MYO3A: variants seen among roughly 807,000 people sequenced by gnomAD.
The protein encoded by MYO3A is myosin IIIA, also known as myosin-IIIa.
MYO3A carries 180 observed loss-of-function variants against 192.7 expected under a neutral mutation model. That is an observed-to-expected ratio of 0.93 (90% CI 0.83 to 1.06). The LOEUF (loss-of-function observed/expected upper bound fraction) is 1.06, where lower values mean the gene tolerates loss of function less well. MYO3A is among the 50% of genes least tolerant of loss of function. MYO3A has a pLI of 0.00. For missense variants in MYO3A, 1,896 were observed against 1,905.0 expected, an observed-to-expected ratio of 1.00 and a Z score of 0.09; for synonymous variants, 628 against 645.3, an observed-to-expected ratio of 0.97 and a Z score of 0.41.
intron 6 of MYO3A, among the ~76,000 whole-genome samples, chr10:26,002,312 A>C (rs1840878950): frequency 6.6e-6 from 1 of 152,192 alleles, no homozygotes; most frequent in Admixed American, 6.5e-5. Flanking sequence ...ATTCAAATAT[A>C]AAATTTTCTT....
At chr10:26,138,083 T>C (rs1839953726) in intron 20 of MYO3A, among the ~76,000 whole-genome samples, 1 of 152,200 alleles carries the variant, frequency 6.6e-6, no homozygotes. Context: ...CATTCTCCTT[T>C]TTGCGCTTTG....
intron 2 of MYO3A, among the ~76,000 whole-genome samples, chr10:25,942,758 C>A (rs1204805074): frequency 1.3e-5 from 2 of 148,838 alleles, no homozygotes; most frequent in African/African-American, 4.9e-5. Flanking sequence ...GGAGAAACTT[C>A]TAGTCAAATC....
At chr10:25,991,050 A>G (rs1839995939) in intron 4 of MYO3A, among the ~76,000 whole-genome samples, 1 of 152,194 alleles carries the variant, frequency 6.6e-6, no homozygotes, top group East Asian at 1.9e-4. Flanking sequence ...GCTGGGTCAA[A>G]TGGTATTTCT....
intron 26 of MYO3A, among the ~76,000 whole-genome samples, chr10:26,160,529 T>G (rs1036486698): frequency 6.6e-6 from 1 of 151,978 alleles, no homozygotes; most frequent in African/African-American, 2.4e-5. Flanking sequence ...CCTGTAGTCT[T>G]AGCTACTCAG....
intron 4 of MYO3A, among the ~76,000 whole-genome samples, chr10:25,976,021 GAAATTT>G (rs1402225094): frequency 3.3e-5 from 5 of 152,178 alleles, no homozygotes; most frequent in Non-Finnish European, 7.4e-5. Flanking sequence ...AGTCTTTGGG[GAAATTT>G]AAATTAAAAC....
intron 6 of MYO3A, among the ~76,000 whole-genome samples, chr10:26,008,037 A>G (rs1841355050): frequency 6.7e-6 from 1 of 150,144 alleles, no homozygotes; most frequent in East Asian, 1.9e-4. Flanking sequence ...AAACACAGAT[A>G]TAGATCAATG....
At chr10:26,021,674 T>C (rs1384971248) in intron 8 of MYO3A, 26 bp downstream of exon 8, 1 of 1,613,632 alleles carries the variant, frequency 6.2e-7, no homozygotes. Context: ...TTGGGTCCAG[T>C]ATCTGCAGCC....
intron 17 of MYO3A, among the ~76,000 whole-genome samples, chr10:26,103,842 C>T (rs777797623): frequency 6.6e-6 from 1 of 152,166 alleles, no homozygotes; most frequent in Non-Finnish European, 1.5e-5. Context: ...TGCATGTCTT[C>T]GTCAACACTT....
At chr10:26,098,719 T>C (rs1321728725) in intron 17 of MYO3A, among the ~76,000 whole-genome samples, 1 of 152,210 alleles carries the variant, frequency 6.6e-6, no homozygotes, top group Admixed American at 6.5e-5. Flanking sequence ...ATCAGATGGT[T>C]GTAGATGTGT....
chr10:25,980,021 G>C (rs954929348), intron 4 of MYO3A, among the ~76,000 whole-genome samples: 3 of 152,178 alleles, frequency 2.0e-5, no homozygotes, highest in African/African-American at 7.2e-5. Flanking sequence ...TGGATCATGA[G>C]GTCAGGAGAT....
chr10:25,956,154 A>G (rs1398371787), intron 4 of MYO3A, among the ~76,000 whole-genome samples: 2 of 152,170 alleles, frequency 1.3e-5, no homozygotes, highest in African/African-American at 4.8e-5. Flanking sequence ...TTAAAACCGC[A>G]TTCATGAGGA....
intron 32 of MYO3A, among the ~76,000 whole-genome samples, chr10:26,199,059 G>A (rs1037256991): frequency 2.6e-5 from 4 of 152,060 alleles, no homozygotes; most frequent in East Asian, 1.9e-4. Flanking sequence ...TTAATGCATC[G>A]TGCTCCCCTT....
rs139356145 is a variant in MYO3A, at chr10:26,198,307, G to A, written c.4546-2958G>A. On this transcript the variant is annotated intron_variant, in intron 32 of 34. Transcript: ENST00000642920. ...TAAGAGTGAGCCAAGCCGCAGAAGC[G>A]TGCCTGTGGAGGAGAGCATTAGCGG... Among the ~76,000 whole-genome samples the A allele has an allele frequency of 8.2e-3, 1,243 of 152,280 alleles. 7 individuals are homozygous for A. The highest frequency in any genetic ancestry group is 0.012 in the Non-Finnish European group (784 of 68,030).
At chr10:25,940,873 G>A (rs2130817563) in intron 2 of MYO3A, among the ~76,000 whole-genome samples, 1 of 152,160 alleles carries the variant, frequency 6.6e-6, no homozygotes, top group South Asian at 2.1e-4. Context: ...ATGCTGTATA[G>A]TTTCATTGTG....
intron 26 of MYO3A, among the ~76,000 whole-genome samples, chr10:26,161,878 A>G (rs1841501149): frequency 6.6e-6 from 1 of 152,274 alleles, no homozygotes; most frequent in Non-Finnish European, 1.5e-5. Flanking sequence ...ATTTATTTCC[A>G]CAAGTCCCAG....
rs142439619 is a variant in MYO3A, at chr10:25,988,631, C to T, written c.304-7859C>T. 1.7e-3 allele frequency among the ~76,000 whole-genome samples: 265 copies of T among 152,044 alleles called. 1 individual carries two copies. Among genetic ancestry groups the T allele is most frequent in the African/African-American group, 5.9e-3 (246 of 41,474 alleles). On this transcript the variant is annotated intron_variant, in intron 4 of 34. Coordinates refer to ENST00000642920, the MANE Select transcript of MYO3A (RefSeq NM_017433.5). ...ACTTATATTCACATCAAAATCTGTACGTGAATGTTCATAGCAGTTCTACTT... is the reference window on the plus strand; with the variant it reads ...ACTTATATTCACATCAAAATCTGTATGTGAATGTTCATAGCAGTTCTACTT...
chr10:25,946,464 C>T (rs1836834943), intron 2 of MYO3A, among the ~76,000 whole-genome samples: 1 of 151,436 alleles, frequency 6.6e-6, no homozygotes. Flanking sequence ...CACTGATAAT[C>T]TTGAGAGTCC....
At chr10:26,112,327 C>A (rs1025836904) in intron 17 of MYO3A, among the ~76,000 whole-genome samples, 6 of 152,144 alleles carry the variant, frequency 3.9e-5, no homozygotes, top group African/African-American at 1.2e-4. Context: ...GGTGTGGTGG[C>A]CTCCCATCTA....
intron 34 of MYO3A, among the ~76,000 whole-genome samples, chr10:26,209,028 G>T (rs956909960): frequency 6.6e-6 from 1 of 152,114 alleles, no homozygotes; most frequent in African/African-American, 2.4e-5. Context: ...CACTTTCCCT[G>T]TCCACTCTTT....
Sources: gnomAD v4.1 joint callset for allele counts (sites outside exome capture counted in the v4.1 genomes callset) on GRCh38, gnomAD v4.1.1 for gene constraint, MANE v1.5 for transcripts, NCBI Gene and HGNC (gene_info 2026-07-23, HGNC 2026-07-21) for gene names.